Variants in KDM4C observed in about 807,000 individuals in gnomAD.
KDM4C encodes lysine demethylase 4C.
Under a neutral mutation model 129.3 loss-of-function variants are expected in KDM4C, and 81 were observed. That is an observed-to-expected ratio of 0.63 (90% confidence interval 0.52 to 0.75). KDM4C has a LOEUF of 0.75. KDM4C is among the 30% of genes least tolerant of loss of function. KDM4C has a pLI of 0.00. For synonymous variants in KDM4C, 573 were observed against 456.1 expected, an observed-to-expected ratio of 1.26 and a Z score of -3.26; for missense variants, 1,457 against 1,304.0, an observed-to-expected ratio of 1.12 and a Z score of -1.81.
At chr9:7,107,793 T>G (rs1837864779) in intron 18 of KDM4C, among the ~76,000 whole-genome samples, 1 of 152,194 alleles carries the variant, frequency 6.6e-6, no homozygotes, top group South Asian at 2.1e-4. Flanking sequence ...TTTATGTGAT[T>G]TTGTGTATTT....
At chr9:6,946,605 G>C (rs142002350) in intron 8 of KDM4C, among the ~76,000 whole-genome samples, 371 of 152,170 alleles carry the variant, frequency 2.4e-3, no homozygotes, top group African/African-American at 8.3e-3. Flanking sequence ...AATATTTTGA[G>C]ACTTTTCAAG....
intron 17 of KDM4C, among the ~76,000 whole-genome samples, chr9:7,094,416 GA>G (rs1205460589): frequency 1.3e-5 from 2 of 152,134 alleles, no homozygotes; most frequent in African/African-American, 4.8e-5. Flanking sequence ...ATGGACACAG[GA>G]AGGGTAAAAG....
chr9:7,055,883 T>C (rs948225590), intron 17 of KDM4C, among the ~76,000 whole-genome samples: 1 of 152,330 alleles, frequency 6.6e-6, no homozygotes, highest in African/African-American at 2.4e-5. Flanking sequence ...TCTGAAAGAA[T>C]CAAGGTTGTA....
At chr9:6,944,443 A>T (rs916479750) in intron 8 of KDM4C, among the ~76,000 whole-genome samples, 2 of 152,084 alleles carry the variant, frequency 1.3e-5, no homozygotes, top group African/African-American at 4.8e-5. Context: ...TCTTTTGGTG[A>T]CTCATTAGAT....
chr9:6,819,893 G>A (rs937905640), intron 4 of KDM4C, among the ~76,000 whole-genome samples: 12 of 152,104 alleles, frequency 7.9e-5, no homozygotes, highest in South Asian at 2.1e-4. Flanking sequence ...CTGGTTTCTC[G>A]TGGTTCATGG....
chr9:7,084,639 T>C (rs1834909744), intron 17 of KDM4C, among the ~76,000 whole-genome samples: 2 of 152,248 alleles, frequency 1.3e-5, no homozygotes, highest in Non-Finnish European at 2.9e-5. Flanking sequence ...ATGATCTTAG[T>C]GTAGTTTTTG....
At chr9:6,838,015 T>C (rs1380016789) in intron 4 of KDM4C, among the ~76,000 whole-genome samples, 1 of 152,224 alleles carries the variant, frequency 6.6e-6, no homozygotes, top group Non-Finnish European at 1.5e-5. Flanking sequence ...AATATTATAT[T>C]CTGGTTAACT....
chr9:6,721,463 T>G (rs1157946364), intron 1 of KDM4C, among the ~76,000 whole-genome samples: 2 of 151,782 alleles, frequency 1.3e-5, no homozygotes, highest in African/African-American at 2.4e-5. Flanking sequence ...TTTGTATTTT[T>G]AGTAGAGACA....
intron 4 of KDM4C, among the ~76,000 whole-genome samples, chr9:6,831,718 G>C (rs186470830): frequency 6.6e-6 from 1 of 152,252 alleles, no homozygotes; most frequent in African/African-American, 2.4e-5. Context: ...TCTCATGGAA[G>C]GAAGAGGGAG....
chr9:6,873,296 C>A (rs1011589688), intron 5 of KDM4C, among the ~76,000 whole-genome samples: 1 of 152,164 alleles, frequency 6.6e-6, no homozygotes, highest in Non-Finnish European at 1.5e-5. Flanking sequence ...AGCTACCATG[C>A]CCGTCCCTTT....
In KDM4C at chr9:6,793,047, G is replaced by T. The variant is rs745764020; in HGVS notation, c.59G>T (p.Arg20Ile). 1.2e-6 allele frequency: 2 copies of T among 1,614,142 alleles called. No homozygotes were observed. Residue 20 changes from arginine to isoleucine, a missense_variant, in exon 2 of 22, where the codon AGA (arginine) becomes ATA (isoleucine). Physicochemically the swap from Arg to Ile is moderately conservative, Grantham distance 97. Coordinates refer to ENST00000381309, the MANE Select transcript of KDM4C (RefSeq NM_015061.6). Reference sequence around the variant, plus strand: ...CCCAGCTGTAAGATAATGACCTTCAGACCCTCCATGGAGGAGTTCCGGGAG... The same window carrying T: ...CCCAGCTGTAAGATAATGACCTTCATACCCTCCATGGAGGAGTTCCGGGAG... ...LNPSCKIMTFRPSMEEFREFN... is the reference protein window; with the variant it reads ...LNPSCKIMTFIPSMEEFREFN...
intron 5 of KDM4C, among the ~76,000 whole-genome samples, chr9:6,850,644 C>T (rs1588686918): frequency 6.6e-6 from 1 of 152,136 alleles, no homozygotes. Flanking sequence ...GTTGCCCAGG[C>T]TGGTCTTGAA....
intron 13 of KDM4C, among the ~76,000 whole-genome samples, chr9:7,012,963 C>T (rs1053524511): frequency 3.9e-5 from 6 of 152,106 alleles, no homozygotes; most frequent in African/African-American, 1.4e-4. Context: ...ACCTTTGTAA[C>T]AGAGGAAATA....
At chr9:7,069,517 GCAAAA>G (rs1163613005) in intron 17 of KDM4C, among the ~76,000 whole-genome samples, 2 of 152,072 alleles carry the variant, frequency 1.3e-5, no homozygotes, top group Non-Finnish European at 2.9e-5. Flanking sequence ...GTTTCTAAAA[GCAAAA>G]CAAAACAAAA....
intron 5 of KDM4C, among the ~76,000 whole-genome samples, chr9:6,859,913 A>T (rs973904006): frequency 1.3e-5 from 2 of 151,688 alleles, no homozygotes; most frequent in Non-Finnish European, 2.9e-5. Flanking sequence ...TTAAAGGTTT[A>T]TCTAGTTATT....
intron 8 of KDM4C, among the ~76,000 whole-genome samples, chr9:6,970,012 C>T (rs818900): frequency 6.6e-6 from 1 of 152,042 alleles, no homozygotes; most frequent in African/African-American, 2.4e-5. Flanking sequence ...GGCCATGTGC[C>T]CATCTCTGAA....
At chr9:6,854,535 A>AAC (rs1839435593) in intron 5 of KDM4C, among the ~76,000 whole-genome samples, 1 of 147,400 alleles carries the variant, frequency 6.8e-6, no homozygotes, top group Non-Finnish European at 1.5e-5. Context: ...CAAAAAAAAA[A>AAC]AAAAAAAAAA....
chr9:7,031,308 G>A (rs1212270857), intron 15 of KDM4C, among the ~76,000 whole-genome samples: 1 of 151,886 alleles, frequency 6.6e-6, no homozygotes, highest in Non-Finnish European at 1.5e-5. Flanking sequence ...GATTACAGGT[G>A]CACACCCCCA....
chr9:6,777,343 A>G (rs941170429), intron 1 of KDM4C, among the ~76,000 whole-genome samples: 1 of 152,192 alleles, frequency 6.6e-6, no homozygotes, highest in African/African-American at 2.4e-5. Context: ...GCTGCTTTTG[A>G]GTGAGTTTGT....
Sources: gnomAD v4.1 joint callset for allele counts (sites outside exome capture counted in the v4.1 genomes callset) on GRCh38, gnomAD v4.1.1 for gene constraint, MANE v1.5 for transcripts, NCBI Gene and HGNC (gene_info 2026-07-23, HGNC 2026-07-21) for gene names.